The following RRBP1 variants were observed in gnomAD, a reference collection of about 807,000 sequenced individuals.
RRBP1 encodes the protein ribosome binding protein 1.
In RRBP1, 94 loss-of-function variants were observed where a neutral mutation model predicts 165.2. The ratio of observed to expected loss-of-function variants is 0.57; its 90% CI spans 0.48 to 0.68. RRBP1 has a LOEUF of 0.68. RRBP1 is among the 30% of genes least tolerant of loss of function. The pLI is 0.00. For missense variants in RRBP1, 1,676 were observed against 1,763.0 expected (o/e 0.95, Z 0.88); for synonymous variants, 680 against 714.5 (o/e 0.95, Z 0.77).
intron 2 of RRBP1, among the ~76,000 whole-genome samples, chr20:17,679,048 T>G (rs993076263): frequency 6.6e-6 from 1 of 152,136 alleles, no homozygotes; most frequent in Admixed American, 6.5e-5. Context: ...GAGGGAACAT[T>G]TGGAAGGCCG....
chr20:17,633,046 G>T (rs1010590895), intron 8 of RRBP1, among the ~76,000 whole-genome samples: 2 of 152,186 alleles, frequency 1.3e-5, no homozygotes, highest in Non-Finnish European at 2.9e-5. Context: ...GGAAAAACAC[G>T]GCTCCAGAGC....
chr20:17,658,823 C>T lies in RRBP1; in HGVS notation c.1685G>A (p.Gly562Asp). 6.2e-7 allele frequency: 1 copy of T among 1,613,990 alleles called. No individual in the cohort carries two copies. Among genetic ancestry groups the T allele is most frequent in the Non-Finnish European group, 8.5e-7 (1 of 1,179,896 alleles). The change falls in exon 3 of 25, where the codon GGT becomes GAT. Residue 562 changes from glycine (G) to aspartate (D), a missense_variant. This residue lies in a region of RRBP1 where 1,184 missense variants were observed against 1,167.1 expected (regional missense o/e 1.01). Coordinates refer to ENST00000377813, the MANE Select transcript of RRBP1 (RefSeq NM_001365613.2). ...TGCTTTTTTCCCCTGGTTTGTAATA[C>T]CCTCTACCTTTGTGCCCTGATTAGC... ...SVANQGTKVE[G>D]ITNQGKKAEG...
intron 2 of RRBP1, among the ~76,000 whole-genome samples, chr20:17,669,015 A>AT (rs147797346): frequency 0.011 from 1,598 of 150,180 alleles, 14 homozygotes; most frequent in Admixed American, 0.02. Flanking sequence ...GCAATCTCTG[A>AT]TTTTTTTTTT....
chr20:17,613,952 G>C lies in RRBP1; in HGVS notation c.*230C>G, dbSNP rs1052815. On this transcript the variant is annotated 3_prime_UTR_variant, in exon 25 of 25. Transcript: ENST00000377813. ...CTTTGGCGTCACTCGGCGGTGGCCC[G>C]GGGCTGCGCCCAGGATAGTGTTTAT... is the stretch of plus-strand genomic sequence containing the variant. 1 of 525,084 alleles carries C rather than the reference G, an allele frequency of 1.9e-6. No individual in the cohort carries two copies. Among genetic ancestry groups the C allele is most frequent in the Non-Finnish European group, 3.4e-6 (1 of 293,888 alleles). The allele number at this position is 525,084 out of a possible 1,614,324, so 32.5% of individuals were successfully genotyped here.
intron 13 of RRBP1, among the ~76,000 whole-genome samples, chr20:17,622,695 T>G (rs1308066841): frequency 6.6e-6 from 1 of 152,136 alleles, no homozygotes; most frequent in South Asian, 2.1e-4. Flanking sequence ...AAGGGAATCA[T>G]GAAGCAAAGC....
At chr20:17,630,060 G>GC in intron 8 of RRBP1, 99 bp from the exon 9 acceptor site, 6 of 1,318,770 alleles carry the variant, frequency 4.5e-6, no homozygotes, top group Middle Eastern at 1.9e-4. Context: ...CCCCACCAAA[G>GC]CCCCGTGCAG....
At chr20:17,662,882 C>G (rs1455260922) in intron 2 of RRBP1, among the ~76,000 whole-genome samples, 1 of 152,048 alleles carries the variant, frequency 6.6e-6, no homozygotes, top group Non-Finnish European at 1.5e-5. Flanking sequence ...TCACTACATT[C>G]AAAAATCCTA....
At chr20:17,665,528 C>T (rs1487786951) in intron 2 of RRBP1, among the ~76,000 whole-genome samples, 2 of 152,126 alleles carry the variant, frequency 1.3e-5, no homozygotes, top group African/African-American at 4.8e-5. Flanking sequence ...TGTGTCACCA[C>T]GCCCAGCTAA....
intron 11 of RRBP1, among the ~76,000 whole-genome samples, chr20:17,626,016 G>A (rs950794954): frequency 1.3e-5 from 2 of 152,198 alleles, no homozygotes; most frequent in Non-Finnish European, 2.9e-5. Context: ...GGTGTCAGCA[G>A]GCCAGTGGCA....
chr20:17,663,413 C>T (rs6080768), intron 2 of RRBP1, among the ~76,000 whole-genome samples: 18,167 of 152,302 alleles, frequency 0.12, 1,401 homozygotes, highest in Middle Eastern at 0.24. Context: ...CTTTGCAACG[C>T]ACACAAATAT....
Position 17,620,739 on chromosome 20 carries a change from G to T in RRBP1, c.3483C>A (p.Gly1161=), listed in dbSNP as rs752804714. 6 of 1,607,236 alleles carry T rather than the reference G, an allele frequency of 3.7e-6. No individual in the cohort carries two copies. Among genetic ancestry groups the T allele is most frequent in the Non-Finnish European group, 4.2e-6 (5 of 1,179,796 alleles). Residue 1161 remains glycine, a synonymous_variant, in exon 17 of 25, where the codon GGC becomes GGA. Transcript: ENST00000377813. ...CCTTCTGGAGCTCCTCCTCTGCGGC[G>T]CCCACCTTGGCCCTCCACACCTGCT... ...EEEQVWRAKV[G]AAEEELQKSR... is the part of the protein sequence containing the mutation.
intron 2 of RRBP1, among the ~76,000 whole-genome samples, chr20:17,660,928 C>A (rs925926295): frequency 6.6e-6 from 1 of 152,142 alleles, no homozygotes; most frequent in Non-Finnish European, 1.5e-5. Context: ...TAAAAACACC[C>A]GCCCCCACCT....
At chr20:17,627,224 A>G in intron 11 of RRBP1, 124 bp downstream of exon 11, 5 of 897,768 alleles carry the variant, frequency 5.6e-6, no homozygotes, top group South Asian at 5.3e-5. Flanking sequence ...GAGGGAAGGG[A>G]GCCTCTGAAA....
At position 17,650,705 on chromosome 20, in the gene RRBP1, T is replaced by C. The variant is rs191829767; in HGVS notation, c.1913-7578A>G. On this transcript the variant is annotated intron_variant, in intron 3 of 24. Transcript: ENST00000377813. Reference sequence around the variant, plus strand: ...CATGCTAACTGTGGGGTCTTCAGAATGTACATATGTACTTCCTCAGTCTAC... The same window carrying C: ...CATGCTAACTGTGGGGTCTTCAGAACGTACATATGTACTTCCTCAGTCTAC... 1.6e-3 allele frequency among the ~76,000 whole-genome samples: 239 copies of C among 152,362 alleles called. 1 individual carries two copies. In the Middle Eastern group the frequency reaches 0.017, roughly 11 times the overall value.
intron 2 of RRBP1, among the ~76,000 whole-genome samples, chr20:17,667,584 A>C (rs931370565): frequency 3.9e-5 from 6 of 152,168 alleles, no homozygotes; most frequent in African/African-American, 1.2e-4. Flanking sequence ...AATTTCATGA[A>C]TGTCTCCAGC....
chr20:17,626,538 G>C (rs145832567), intron 11 of RRBP1, among the ~76,000 whole-genome samples: 94 of 152,296 alleles, frequency 6.2e-4, no homozygotes, highest in African/African-American at 2.2e-3. Context: ...CGAGGGTCAG[G>C]ACAAGGGAAC....
At chr20:17,636,857 GT>G (rs2036258136) in intron 5 of RRBP1, 128 bp from the exon 6 acceptor site, 2 of 1,181,958 alleles carry the variant, frequency 1.7e-6, no homozygotes, top group Non-Finnish European at 2.4e-6. Context: ...TGCTGGCCGG[GT>G]TCTCAGCTAG....
intron 3 of RRBP1, among the ~76,000 whole-genome samples, chr20:17,652,017 G>A (rs1172990125): frequency 2.0e-5 from 3 of 152,212 alleles, no homozygotes; most frequent in African/African-American, 4.8e-5. Context: ...GGTAGGGCTA[G>A]GAAGACTGAA....
At chr20:17,672,247 A>G (rs1425455294) in intron 2 of RRBP1, among the ~76,000 whole-genome samples, 1 of 152,134 alleles carries the variant, frequency 6.6e-6, no homozygotes. Flanking sequence ...CTGATGAAGA[A>G]TTCAATCTCA....
Sources: gnomAD v4.1 joint callset for allele counts (sites outside exome capture counted in the v4.1 genomes callset) on GRCh38, gnomAD v4.1.1 for gene constraint, gnomAD v4.1.1 regional missense constraint, MANE v1.5 for transcripts, NCBI Gene and HGNC (gene_info 2026-07-23, HGNC 2026-07-21) for gene names.